Variants in GRIK1 observed in about 807,000 individuals in gnomAD.
GRIK1 encodes the protein glutamate ionotropic receptor kainate type subunit 1, also known as glutamate receptor ionotropic, kainate 1.
Under a neutral mutation model 105.7 loss-of-function variants are expected in GRIK1, and 69 were observed. That is an observed-to-expected ratio of 0.65 (90% CI 0.54 to 0.80). The LOEUF (loss-of-function observed/expected upper bound fraction) is 0.80. GRIK1 is among the 30% of genes least tolerant of loss of function. The probability of loss-of-function intolerance (pLI) is 0.00; values close to 1 mark genes in which losing one functional copy is unlikely to be tolerated. For synonymous variants in GRIK1, 438 were observed against 431.3 expected (o/e 1.02, Z -0.19); for missense variants, 1,109 against 1,167.3 (o/e 0.95, Z 0.73).
intron 9 of GRIK1, among the ~76,000 whole-genome samples, chr21:29,595,607 A>G (rs2061397871): frequency 6.6e-6 from 1 of 152,206 alleles, no homozygotes; most frequent in Admixed American, 6.5e-5. Flanking sequence ...TGATAATTTG[A>G]AAGATGAAAG....
chr21:29,772,075 C>T (rs1374326663), intron 1 of GRIK1, among the ~76,000 whole-genome samples: 1 of 152,210 alleles, frequency 6.6e-6, no homozygotes, highest in Non-Finnish European at 1.5e-5. Context: ...AAGATCAGTG[C>T]ATTATTCAAA....
rs147157262 is a variant in GRIK1, at chr21:29,597,399, C to T, written c.1207-829G>A. On this transcript the variant is annotated intron_variant, in intron 8 of 17. Coordinates refer to ENST00000327783, the MANE Select transcript of GRIK1 (RefSeq NM_001330994.2). ...CAATAGCTCCATCTATTTCATCATTCACCTAGCCAAAAAGATGTTTCCTTA... is the reference window on the plus strand; with the variant it reads ...CAATAGCTCCATCTATTTCATCATTTACCTAGCCAAAAAGATGTTTCCTTA... 3.4e-3 allele frequency among the ~76,000 whole-genome samples: 518 copies of T among 152,344 alleles called. 1 individual carries two copies. The highest frequency in any genetic ancestry group is 4.5e-3 in the Non-Finnish European group (305 of 68,020).
chr21:29,666,721 G>A (rs1390918693), intron 4 of GRIK1, among the ~76,000 whole-genome samples: 1 of 152,218 alleles, frequency 6.6e-6, no homozygotes, highest in Non-Finnish European at 1.5e-5. Flanking sequence ...ATTGTGTAAA[G>A]CTAGACATGA....
chr21:29,789,103 C>T (rs911096712), intron 1 of GRIK1, among the ~76,000 whole-genome samples: 1 of 152,196 alleles, frequency 6.6e-6, no homozygotes, highest in Non-Finnish European at 1.5e-5. Flanking sequence ...GAGACCTGTG[C>T]TCCTTAATAT....
At chr21:29,892,632 TG>T (rs1325176243) in intron 1 of GRIK1, among the ~76,000 whole-genome samples, 1 of 152,140 alleles carries the variant, frequency 6.6e-6, no homozygotes, top group African/African-American at 2.4e-5. Flanking sequence ...CGACCCAAGA[TG>T]AAGAAACGCT....
chr21:29,606,053 G>C (rs1401598590), intron 7 of GRIK1, among the ~76,000 whole-genome samples: 1 of 148,132 alleles, frequency 6.8e-6, no homozygotes, highest in Admixed American at 6.7e-5. Flanking sequence ...GACCTTCTTT[G>C]TCATGGTGGC....
rs1302938119 is a variant in GRIK1, at chr21:29,848,773, A to T, written c.118+90610T>A. Reference sequence around the variant, plus strand: ...TGTGTGTGTATATATATATATATATATATATATTTTTTTTTTTTTCCACGA... The same window carrying T: ...TGTGTGTGTATATATATATATATATTTATATATTTTTTTTTTTTTCCACGA... On this transcript the variant is annotated intron_variant, in intron 1 of 17. Transcript: ENST00000327783. Among the ~76,000 whole-genome samples the T allele has an allele frequency of 6.4e-3, 608 of 95,122 alleles. 11 individuals carry two copies. The highest frequency in any genetic ancestry group is 0.031 in the African/African-American group (482 of 15,624). 62.4% of individuals were successfully genotyped at this position (95,122 alleles called of 152,430 possible). A position where few individuals can be genotyped will look rare whatever the true frequency, so the allele number is the denominator to read the frequency against.
chr21:29,778,694 A>AT (rs2066010198), intron 1 of GRIK1, among the ~76,000 whole-genome samples: 2 of 152,212 alleles, frequency 1.3e-5, no homozygotes, highest in African/African-American at 2.4e-5. Context: ...CCCCACACCA[A>AT]TAAAAATGTG....
At chr21:29,641,777 G>A (rs377658168) in intron 7 of GRIK1, among the ~76,000 whole-genome samples, 11 of 152,206 alleles carry the variant, frequency 7.2e-5, no homozygotes, top group East Asian at 3.9e-4. Flanking sequence ...TATACATCCC[G>A]CCTGCTTTAT....
chr21:29,829,434 A>C (rs955901468), intron 1 of GRIK1, among the ~76,000 whole-genome samples: 2 of 152,198 alleles, frequency 1.3e-5, no homozygotes, highest in African/African-American at 4.8e-5. Context: ...CTGTGGAGTC[A>C]GAGAATGTGT....
chr21:29,659,160 A>C (rs947055676), intron 4 of GRIK1, among the ~76,000 whole-genome samples: 1 of 152,120 alleles, frequency 6.6e-6, no homozygotes, highest in Non-Finnish European at 1.5e-5. Context: ...AAAAACATTT[A>C]TTAGTTTGTT....
At chr21:29,902,433 A>T (rs887486365) in intron 1 of GRIK1, among the ~76,000 whole-genome samples, 10 of 152,240 alleles carry the variant, frequency 6.6e-5, no homozygotes, top group Non-Finnish European at 1.5e-4. Flanking sequence ...TAAGCTGATG[A>T]GCAACTTTGG....
intron 1 of GRIK1, among the ~76,000 whole-genome samples, chr21:29,827,643 T>C (rs1459242648): frequency 6.6e-6 from 1 of 151,986 alleles, no homozygotes. Context: ...ATCTACCAAA[T>C]GGTGATTAGT....
rs563312577 is a variant in GRIK1, at chr21:29,706,575, C to G, written c.119-12512G>C. ...CATTGACATGAATAATGAATGAGTT[C>G]GATGAAAGTTATTTCTCAGAGAAAA... On this transcript the variant is annotated intron_variant, in intron 1 of 17. Transcript: ENST00000327783. 3.3e-5 allele frequency among the ~76,000 whole-genome samples: 5 copies of G among 152,226 alleles called. No homozygotes were observed. In the South Asian group the frequency reaches 8.3e-4, roughly 25 times the overall value.
At chr21:29,723,908 T>C (rs1055123553) in intron 1 of GRIK1, among the ~76,000 whole-genome samples, 1 of 152,204 alleles carries the variant, frequency 6.6e-6, no homozygotes, top group Admixed American at 6.5e-5. Context: ...ATTTCACTGA[T>C]GTGTAAATTC....
chr21:29,741,357 A>AT lies in GRIK1; in HGVS notation c.119-47295dup, dbSNP rs112827617. Among the ~76,000 whole-genome samples, 581 of 151,980 alleles carry AT rather than the reference A, an allele frequency of 3.8e-3. 1 individual carries two copies. Among genetic ancestry groups the AT allele is most frequent in the African/African-American group, 0.013 (546 of 41,466 alleles). On this transcript the variant is annotated intron_variant, in intron 1 of 17. Transcript: ENST00000327783. ...TTTTTTTAAATTAGAACATCAATAC[A>AT]TTTTTTTTGTCACTGCAAAACAGCA... is the stretch of plus-strand genomic sequence containing the variant.
At chr21:29,597,367 A>G (rs1236616994) in intron 8 of GRIK1, among the ~76,000 whole-genome samples, 1 of 152,236 alleles carries the variant, frequency 6.6e-6, no homozygotes, top group African/African-American at 2.4e-5. Context: ...TAGCTGTGAA[A>G]GCATAACAAT....
At chr21:29,600,008 C>T (rs186221364) in intron 7 of GRIK1, among the ~76,000 whole-genome samples, 2 of 152,238 alleles carry the variant, frequency 1.3e-5, no homozygotes, top group South Asian at 2.1e-4. Context: ...ATCGCTTGAA[C>T]CCCAGAGGCA....
At position 29,718,322 on chromosome 21, in the gene GRIK1, A is replaced by T. The variant is rs556406037; in HGVS notation, c.119-24259T>A. ...AATGTAAGAGTCTGGATTGGAATTG[A>T]GTCAGTATGGTTACAAAACACTTGT... On this transcript the variant is annotated intron_variant, in intron 1 of 17. Coordinates refer to ENST00000327783, the MANE Select transcript of GRIK1 (RefSeq NM_001330994.2). Among the ~76,000 whole-genome samples, 4 of 152,274 alleles carry T rather than the reference A, an allele frequency of 2.6e-5. No individual in the cohort carries two copies. In the South Asian group the frequency reaches 8.3e-4, roughly 32 times the overall value.
Sources: allele counts gnomAD v4.1 joint callset (sites outside exome capture counted in the v4.1 genomes callset), GRCh38; gene constraint gnomAD v4.1.1; transcripts MANE v1.5; gene names NCBI Gene and HGNC (gene_info 2026-07-23, HGNC 2026-07-21).